ATP8A2: variants seen among roughly 807,000 people sequenced by gnomAD.
ATP8A2 encodes ATPase phospholipid transporting 8A2, also known as phospholipid-transporting ATPase IB.
ATP8A2 carries 100 observed loss-of-function variants against 165.6 expected under a neutral mutation model. The observed-to-expected ratio is 0.60, with a 90% CI of 0.51 to 0.71. ATP8A2 has a LOEUF of 0.71. Among genes scored for constraint, ATP8A2 ranks in the 30% least tolerant of loss-of-function variants. The probability of loss-of-function intolerance (pLI) is 0.00; values close to 1 mark genes in which losing one functional copy is unlikely to be tolerated. For synonymous variants in ATP8A2, 543 were observed against 548.8 expected (o/e 0.99, Z 0.15); for missense variants, 1,227 against 1,479.5 (o/e 0.83, Z 2.80).
At chr13:25,964,517 A>T (rs1349459119) in intron 34 of ATP8A2, among the ~76,000 whole-genome samples, 1 of 152,234 alleles carries the variant, frequency 6.6e-6, no homozygotes, top group Non-Finnish European at 1.5e-5. Flanking sequence ...ACAGTGCTTC[A>T]CTGAGATTTC....
chr13:25,922,822 T>TGAGC (rs1954498691), intron 33 of ATP8A2, among the ~76,000 whole-genome samples: 1 of 152,222 alleles, frequency 6.6e-6, no homozygotes, highest in Non-Finnish European at 1.5e-5. Context: ...CAGGCAACTG[T>TGAGC]GAGCTGGCTG....
Position 25,839,622 on chromosome 13 carries a change from A to G in ATP8A2, c.2954A>G (p.His985Arg), listed in dbSNP as rs768692678. ...LFWFPMKALE[H>R]DTVLTSGHAT... is the part of the protein sequence containing the mutation. ...TGGTTTCCCATGAAAGCTCTGGAGC[A>G]TGGTAAGGGCTGTGTGATTTCACCT... The change falls in exon 30 of 37, where the codon CAT (histidine) becomes CGT (arginine). Residue 985 changes from histidine to arginine, a missense_variant and splice_region_variant. By Grantham distance (29) the His-to-Arg change is conservative. Around this residue, in one of 5 missense-constraint regions of ATP8A2, gnomAD observed 260 missense variants for 245.1 expected, o/e 1.06. Transcript: ENST00000381655. 8 of 1,613,144 alleles carry G rather than the reference A, an allele frequency of 5.0e-6. No homozygotes were observed. The South Asian group carries it at 7.7e-5, about 16-fold the overall frequency.
At chr13:25,817,330 G>A (rs1315444190) in intron 27 of ATP8A2, among the ~76,000 whole-genome samples, 1 of 141,572 alleles carries the variant, frequency 7.1e-6, no homozygotes, top group East Asian at 2.1e-4. Context: ...ACCCCATCTG[G>A]TCGGTATTAT....
chr13:25,497,434 A>G (rs1319216198), intron 2 of ATP8A2, among the ~76,000 whole-genome samples: 1 of 152,234 alleles, frequency 6.6e-6, no homozygotes, highest in East Asian at 1.9e-4. Context: ...TTGAGTTTGC[A>G]CTATCTAATT....
chr13:25,650,308 A>T (rs1566014351), intron 24 of ATP8A2, among the ~76,000 whole-genome samples: 2 of 152,106 alleles, frequency 1.3e-5, no homozygotes, highest in African/African-American at 2.4e-5. Context: ...TTTGTGGGGT[A>T]GGGGGGTAGT....
intron 23 of ATP8A2, among the ~76,000 whole-genome samples, chr13:25,585,234 G>A (rs1008401394): frequency 2.0e-4 from 30 of 152,250 alleles, no homozygotes; most frequent in South Asian, 1.0e-3. Flanking sequence ...AGGAGTTGGC[G>A]ATTTTCTCTT....
At chr13:25,565,788 C>T (rs1035044711) in intron 16 of ATP8A2, among the ~76,000 whole-genome samples, 3 of 151,510 alleles carry the variant, frequency 2.0e-5, no homozygotes, top group Admixed American at 6.6e-5. Context: ...ATTGCATTTG[C>T]TTTTGGGTTC....
In ATP8A2 at chr13:25,453,839, G is replaced by A. The variant is rs78366272; in HGVS notation, c.77-15138G>A. On this transcript the variant is annotated intron_variant, in intron 1 of 36. Transcript: ENST00000381655. ...GGGCTAAGAAATAGGCAGGTGAGGT[G>A]TTAATACTTAGCTTTAGGGTACAGT... Among the ~76,000 whole-genome samples, 8 of 152,310 alleles carry A rather than the reference G, an allele frequency of 5.3e-5. No homozygotes were observed. In the East Asian group the frequency reaches 1.5e-3, roughly 29 times the overall value.
intron 33 of ATP8A2, among the ~76,000 whole-genome samples, chr13:25,887,100 G>A (rs920172454): frequency 2.0e-5 from 3 of 152,266 alleles, no homozygotes; most frequent in East Asian, 1.9e-4. Flanking sequence ...GCGTGGGTAT[G>A]CCTGGGTGGA....
chr13:25,465,748 C>CCTCCCTCCCTCT (rs747184058), intron 1 of ATP8A2, among the ~76,000 whole-genome samples: 1 of 4,346 alleles, frequency 2.3e-4, no homozygotes, highest in South Asian at 8.9e-3. Flanking sequence ...TCCCTCCCTC[C>CCTCCCTCCCTCT]CTCTCTCTCT....
chr13:25,813,878 G>A (rs1333545486), intron 27 of ATP8A2, among the ~76,000 whole-genome samples: 1 of 152,160 alleles, frequency 6.6e-6, no homozygotes, highest in African/African-American at 2.4e-5. Context: ...CCTGAAGAGA[G>A]CAGAAGACTG....
intron 9 of ATP8A2, among the ~76,000 whole-genome samples, chr13:25,542,871 T>C (rs1339189100): frequency 6.6e-6 from 1 of 152,174 alleles, no homozygotes; most frequent in Non-Finnish European, 1.5e-5. Context: ...TTGCTGCTTT[T>C]TAAAATTTTA....
chr13:25,723,807 T>C (rs1430309804), intron 25 of ATP8A2, among the ~76,000 whole-genome samples: 1 of 151,650 alleles, frequency 6.6e-6, no homozygotes, highest in East Asian at 1.9e-4. Flanking sequence ...TTTACTTCCA[T>C]GACGAGCTGA....
At chr13:25,614,933 G>A (rs536914380) in intron 24 of ATP8A2, among the ~76,000 whole-genome samples, 2 of 152,278 alleles carry the variant, frequency 1.3e-5, no homozygotes, top group Admixed American at 6.5e-5. Flanking sequence ...ACTCTGTGAG[G>A]GTACTTGGTT....
intron 33 of ATP8A2, among the ~76,000 whole-genome samples, chr13:25,954,402 C>T (rs550178553): frequency 3.3e-5 from 5 of 152,354 alleles, no homozygotes; most frequent in African/African-American, 1.2e-4. Flanking sequence ...GACAGAGCAC[C>T]TGGGGGAAGG....
intron 1 of ATP8A2, among the ~76,000 whole-genome samples, chr13:25,385,954 C>G (rs2033026583): frequency 6.6e-6 from 1 of 151,150 alleles, no homozygotes; most frequent in Non-Finnish European, 1.5e-5. Context: ...GCTCTGTTGC[C>G]CAGGCTGGAG....
intron 33 of ATP8A2, among the ~76,000 whole-genome samples, chr13:25,956,252 A>ATT (rs1955518201): frequency 2.6e-5 from 4 of 152,186 alleles, no homozygotes. Context: ...TTGACGTAGT[A>ATT]TTGGAAGTTC....
At chr13:25,510,220 C>G (rs886805532) in intron 2 of ATP8A2, among the ~76,000 whole-genome samples, 30 of 40,328 alleles carry the variant, frequency 7.4e-4, no homozygotes, top group South Asian at 1.2e-3. Context: ...CACACACACA[C>G]AGAGAATGTT....
At chr13:25,505,042 A>C (rs2036987580) in intron 2 of ATP8A2, among the ~76,000 whole-genome samples, 1 of 152,062 alleles carries the variant, frequency 6.6e-6, no homozygotes, top group Non-Finnish European at 1.5e-5. Context: ...TTCTTATGTG[A>C]GATATCTTGA....
Sources: allele counts gnomAD v4.1 joint callset (sites outside exome capture counted in the v4.1 genomes callset), GRCh38; gene constraint gnomAD v4.1.1; regional missense constraint gnomAD v4.1.1; transcripts MANE v1.5; gene names NCBI Gene and HGNC (gene_info 2026-07-23, HGNC 2026-07-21).